Variants in DGKB observed in about 807,000 individuals in gnomAD.
The protein encoded by DGKB is 90 kDa diacylglycerol kinase.
A neutral mutation model predicts 114.3 loss-of-function variants in DGKB; 67 were observed. The ratio of observed to expected loss-of-function variants is 0.59; its 90% CI spans 0.48 to 0.72. The LOEUF (loss-of-function observed/expected upper bound fraction) is 0.72. Among genes scored for constraint, DGKB ranks in the 30% least tolerant of loss-of-function variants. DGKB has a pLI of 0.00. For synonymous variants in DGKB, 398 were observed against 323.1 expected, an observed-to-expected ratio of 1.23 and a Z score of -2.49; for missense variants, 907 against 975.2, an observed-to-expected ratio of 0.93 and a Z score of 0.93.
Position 14,971,805 on chromosome 7 carries a change from C to T in DGKB, c.-188+2891G>A, listed in dbSNP as rs554381787. ...GAGGTGGAGTTTCACTCTTGTTGCC[C>T]AGGCTGAATTGCAGTGGCACAATCT... is the stretch of plus-strand genomic sequence containing the variant. On this transcript the variant is annotated intron_variant, in intron 1 of 4. Transcript: ENST00000437998. Among the ~76,000 whole-genome samples, 4 of 150,014 alleles carry T rather than the reference C, an allele frequency of 2.7e-5. No homozygotes were observed. The South Asian group carries it at 8.4e-4, about 32-fold the overall frequency.
intron 21 of DGKB, among the ~76,000 whole-genome samples, chr7:14,399,250 A>G (rs2128722768): frequency 6.6e-6 from 1 of 151,876 alleles, no homozygotes; most frequent in Non-Finnish European, 1.5e-5. Flanking sequence ...ACAGAAAACA[A>G]AATGTTAGTA....
chr7:14,540,882 T>G lies in DGKB; in HGVS notation c.1770+33330A>C, dbSNP rs1261414769. 3.9e-5 allele frequency among the ~76,000 whole-genome samples: 6 copies of G among 152,164 alleles called. No individual in the cohort carries two copies. In the East Asian group the frequency reaches 1.2e-3, roughly 29 times the overall value. On this transcript the variant is annotated intron_variant, in intron 20 of 25. Transcript: ENST00000402815. Reference sequence around the variant, plus strand: ...GACAAACTGATCAACACTGTCTTCTTTTTAGCCTTGATAGAACCTTTTGAA... The same window carrying G: ...GACAAACTGATCAACACTGTCTTCTGTTTAGCCTTGATAGAACCTTTTGAA...
chr7:14,194,369 A>C (rs1784729550), intron 23 of DGKB, among the ~76,000 whole-genome samples: 1 of 152,196 alleles, frequency 6.6e-6, no homozygotes, highest in Non-Finnish European at 1.5e-5. Context: ...TCAGCCATAA[A>C]AAGAATAAAA....
chr7:14,361,655 G>A lies in DGKB; in HGVS notation c.1836-16264C>T, dbSNP rs182236124. The stretch of plus-strand genomic sequence containing the variant: ...CATGTTAGATAATTCTAAGATGTAC[G>A]TAAAGGAAACATCCCCTCTCTTTTT... On this transcript the variant is annotated intron_variant, in intron 21 of 25. Transcript: ENST00000402815. Among the ~76,000 whole-genome samples the A allele has an allele frequency of 7.4e-4, 113 of 152,024 alleles. 3 individuals carry two copies. The Middle Eastern group carries it at 0.01, about 14-fold the overall frequency.
chr7:14,862,220 A>G (rs1487685608), intron 1 of DGKB, among the ~76,000 whole-genome samples: 1 of 152,078 alleles, frequency 6.6e-6, no homozygotes, highest in Non-Finnish European at 1.5e-5. Flanking sequence ...ATGCATACAC[A>G]TAGTGAAATG....
intron 1 of DGKB, among the ~76,000 whole-genome samples, chr7:14,961,201 T>C (rs1167715718): frequency 6.6e-6 from 1 of 152,134 alleles, no homozygotes; most frequent in African/African-American, 2.4e-5. Context: ...ATTTGCATTT[T>C]ATTGTATTTG....
At chr7:14,420,615 C>A (rs981414730) in intron 21 of DGKB, among the ~76,000 whole-genome samples, 5 of 151,918 alleles carry the variant, frequency 3.3e-5, no homozygotes, top group Admixed American at 6.6e-5. Context: ...CTAAATCTAT[C>A]CCATTTGTGA....
At chr7:14,330,788 C>T (rs563914783) in intron 23 of DGKB, among the ~76,000 whole-genome samples, 1 of 151,938 alleles carries the variant, frequency 6.6e-6, no homozygotes, top group South Asian at 2.1e-4. Context: ...CTAGGAGCTA[C>T]CAGTGTCTGC....
At chr7:14,821,735 A>T (rs2128103443) in intron 2 of DGKB, among the ~76,000 whole-genome samples, 1 of 152,220 alleles carries the variant, frequency 6.6e-6, no homozygotes, top group African/African-American at 2.4e-5. Flanking sequence ...CAGGGGAATG[A>T]CATAGTTGGA....
intron 1 of DGKB, among the ~76,000 whole-genome samples, chr7:14,946,625 C>T (rs1281039681): frequency 6.6e-6 from 1 of 151,754 alleles, no homozygotes; most frequent in African/African-American, 2.4e-5. Context: ...TTCCAAATGT[C>T]TTGCACCACA....
At chr7:14,661,188 G>A (rs960629271) in intron 13 of DGKB, among the ~76,000 whole-genome samples, 1 of 151,434 alleles carries the variant, frequency 6.6e-6, no homozygotes, top group African/African-American at 2.4e-5. Flanking sequence ...GGCAACAAAA[G>A]CCAAAATTGA....
At chr7:14,649,581 C>A in intron 13 of DGKB, among the ~76,000 whole-genome samples, 1 of 151,940 alleles carries the variant, frequency 6.6e-6, no homozygotes, top group East Asian at 1.9e-4. Flanking sequence ...GAAGAAACTG[C>A]ATCAACTAAC....
chr7:14,225,711 A>G (rs896723397), intron 23 of DGKB, among the ~76,000 whole-genome samples: 8 of 151,528 alleles, frequency 5.3e-5, no homozygotes, highest in Admixed American at 3.9e-4. Context: ...TATATTTTTA[A>G]AAAGTGATAG....
intron 21 of DGKB, among the ~76,000 whole-genome samples, chr7:14,423,469 G>A (rs768572880): frequency 2.0e-5 from 3 of 151,946 alleles, no homozygotes; most frequent in Non-Finnish European, 4.4e-5. Context: ...CAAAATGAGT[G>A]TTCAAATATC....
At chr7:14,453,153 T>C (rs1254783171) in intron 21 of DGKB, among the ~76,000 whole-genome samples, 3 of 152,100 alleles carry the variant, frequency 2.0e-5, no homozygotes, top group Admixed American at 6.6e-5. Flanking sequence ...AGAACCATTA[T>C]TGGGTCATTT....
At chr7:14,242,451 C>T (rs1030018487) in intron 23 of DGKB, among the ~76,000 whole-genome samples, 5 of 152,120 alleles carry the variant, frequency 3.3e-5, no homozygotes, top group Non-Finnish European at 5.9e-5. Flanking sequence ...TGACAGCTTT[C>T]GGTGCTTGAG....
chr7:14,796,633 T>A (rs1190658983), intron 2 of DGKB, among the ~76,000 whole-genome samples: 1 of 151,870 alleles, frequency 6.6e-6, no homozygotes, highest in Non-Finnish European at 1.5e-5. Flanking sequence ...GCAAAGATCA[T>A]TGTAACAGTC....
intron 23 of DGKB, among the ~76,000 whole-genome samples, chr7:14,279,819 T>G (rs891218702): frequency 7.5e-5 from 11 of 147,420 alleles, no homozygotes; most frequent in Non-Finnish European, 1.5e-4. Flanking sequence ...GAAGGAAAAC[T>G]AACAAACAGA....
At chr7:14,184,983 C>T (rs374571229) in intron 23 of DGKB, among the ~76,000 whole-genome samples, 2 of 152,158 alleles carry the variant, frequency 1.3e-5, no homozygotes, top group Non-Finnish European at 2.9e-5. Context: ...GATGCCCACT[C>T]TCACCACTAC....
Sources: allele counts gnomAD v4.1 joint callset (sites outside exome capture counted in the v4.1 genomes callset), GRCh38; gene constraint gnomAD v4.1.1; transcripts MANE v1.5; gene names NCBI Gene and HGNC (gene_info 2026-07-23, HGNC 2026-07-21).